The following ATP8A1 variants were observed in gnomAD, a reference collection of about 807,000 sequenced individuals.
ATP8A1 encodes ATPase phospholipid transporting 8A1, also known as phospholipid-transporting ATPase IA.
A neutral mutation model predicts 177.7 loss-of-function variants in ATP8A1; 90 were observed. The ratio of observed to expected loss-of-function variants is 0.51; its 90% CI spans 0.43 to 0.60. ATP8A1 has a LOEUF of 0.60. Ranked by LOEUF, ATP8A1 falls within the 20% of genes least tolerant of loss-of-function variation. The probability of loss-of-function intolerance (pLI) is 0.00; values close to 1 mark genes in which losing one functional copy is unlikely to be tolerated. For missense variants in ATP8A1, 1,072 were observed against 1,392.8 expected, an observed-to-expected ratio of 0.77 and a Z score of 3.67; for synonymous variants, 493 against 485.9, an observed-to-expected ratio of 1.01 and a Z score of -0.19.
chr4:42,590,772 C>T, intron 7 of ATP8A1, 39 bp downstream of exon 7: 1 of 1,572,048 alleles, frequency 6.4e-7, no homozygotes, highest in Non-Finnish European at 8.7e-7. Flanking sequence ...ACGGTGAGGA[C>T]CCACATACAC....
At chr4:42,517,701 G>C (rs1725703701) in intron 22 of ATP8A1, among the ~76,000 whole-genome samples, 1 of 152,184 alleles carries the variant, frequency 6.6e-6, no homozygotes. Flanking sequence ...AGATGTGTCG[G>C]CAACTGATTC....
intron 4 of ATP8A1, 62 bp from the exon 5 acceptor site, chr4:42,616,140 A>G (rs1736893669): frequency 1.4e-6 from 2 of 1,387,178 alleles, no homozygotes; most frequent in Non-Finnish European, 2.0e-6. Context: ...AAAACAAGAG[A>G]GCACTCATAC....
chr4:42,557,635 G>T (rs1214927236), intron 15 of ATP8A1, among the ~76,000 whole-genome samples: 1 of 152,124 alleles, frequency 6.6e-6, no homozygotes, highest in Non-Finnish European at 1.5e-5. Flanking sequence ...ATATGCAATT[G>T]AAATATTTAC....
intron 1 of ATP8A1, among the ~76,000 whole-genome samples, chr4:42,652,887 T>C (rs1560567103): frequency 1.3e-5 from 2 of 151,214 alleles, no homozygotes; most frequent in Non-Finnish European, 3.0e-5. Context: ...ATGTTTTTAT[T>C]AGCAGCCTAA....
At chr4:42,634,668 T>C (rs1739093460) in intron 1 of ATP8A1, among the ~76,000 whole-genome samples, 1 of 152,204 alleles carries the variant, frequency 6.6e-6, no homozygotes, top group Admixed American at 6.6e-5. Context: ...CTACCTACGC[T>C]CTTACAAGAG....
At chr4:42,515,790 G>A (rs138978089) in intron 22 of ATP8A1, among the ~76,000 whole-genome samples, 1 of 152,308 alleles carries the variant, frequency 6.6e-6, no homozygotes, top group African/African-American at 2.4e-5. Context: ...AACCTGCCAC[G>A]CAGCGGTGCT....
chr4:42,572,394 A>G (rs1003003248), intron 14 of ATP8A1, among the ~76,000 whole-genome samples: 6 of 152,172 alleles, frequency 3.9e-5, no homozygotes. Context: ...ACATCTAACC[A>G]TGGAGACTGG....
chr4:42,619,874 T>C (rs558323064), intron 4 of ATP8A1, among the ~76,000 whole-genome samples: 4 of 152,068 alleles, frequency 2.6e-5, no homozygotes, highest in Non-Finnish European at 1.5e-5. Context: ...GGCCAAAACA[T>C]AGAAGAACTG....
At chr4:42,555,813 G>C (rs1730167298) in intron 16 of ATP8A1, among the ~76,000 whole-genome samples, 155 bp downstream of exon 16, 1 of 150,282 alleles carries the variant, frequency 6.7e-6, no homozygotes, top group African/African-American at 2.4e-5. Flanking sequence ...GACAGAGTGA[G>C]ACTCTGTCTC....
chr4:42,504,140 T>A (rs1425222776), intron 23 of ATP8A1, among the ~76,000 whole-genome samples: 1 of 152,216 alleles, frequency 6.6e-6, no homozygotes, highest in Admixed American at 6.5e-5. Flanking sequence ...AATTCCACTA[T>A]GTGAGTACAC....
At chr4:42,567,498 C>T (rs1292927720) in intron 15 of ATP8A1, among the ~76,000 whole-genome samples, 5 of 152,180 alleles carry the variant, frequency 3.3e-5, no homozygotes, top group Admixed American at 3.3e-4. Context: ...GAGATTGTGC[C>T]ACTGCATTCC....
intron 20 of ATP8A1, among the ~76,000 whole-genome samples, chr4:42,528,754 A>AT (rs1560425398): frequency 6.6e-6 from 1 of 152,100 alleles, no homozygotes. Flanking sequence ...CTTCCACAAG[A>AT]TATCACACTG....
intron 5 of ATP8A1, 32 bp downstream of exon 5, chr4:42,616,001 A>T: frequency 6.3e-7 from 1 of 1,586,902 alleles, no homozygotes; most frequent in Non-Finnish European, 8.6e-7. Flanking sequence ...TAGGTTTGAC[A>T]AATATGAGAA....
At chr4:42,504,088 T>A (rs1724123736) in intron 23 of ATP8A1, among the ~76,000 whole-genome samples, 1 of 152,230 alleles carries the variant, frequency 6.6e-6, no homozygotes, top group Non-Finnish European at 1.5e-5. Flanking sequence ...AAGAGGCAAC[T>A]CTGCTGATGT....
intron 1 of ATP8A1, among the ~76,000 whole-genome samples, chr4:42,643,162 A>G (rs1287173041): frequency 6.6e-6 from 1 of 152,212 alleles, no homozygotes; most frequent in Non-Finnish European, 1.5e-5. Flanking sequence ...GAATAAATCC[A>G]TACAGTTCCC....
chr4:42,626,791 T>C, intron 2 of ATP8A1: 1 of 584,956 alleles, frequency 1.7e-6, no homozygotes, highest in Non-Finnish European at 3.1e-6. Context: ...TGGGTGCTTA[T>C]TCTTTCTGCT....
chr4:42,471,654 A>T (rs144762830), intron 25 of ATP8A1, among the ~76,000 whole-genome samples: 211 of 152,382 alleles, frequency 1.4e-3, no homozygotes, highest in African/African-American at 5.0e-3. Context: ...TATGGTGTTC[A>T]CACAAGAAAG....
chr4:42,579,998 G>T lies in ATP8A1; in HGVS notation c.835-20C>A. The T allele has an allele frequency of 1.3e-6, 2 of 1,561,670 alleles. No individual in the cohort carries two copies. The highest frequency in any genetic ancestry group is 1.2e-5 in the South Asian group (1 of 84,802). ...TGAATTCTGTAAAAAGAAACAAGAT[G>T]AGTAATAAAAAATGTACACCAATGA... On this transcript the variant is annotated intron_variant, in intron 10 of 36. Coordinates refer to ENST00000381668, the MANE Select transcript of ATP8A1 (RefSeq NM_006095.2).
chr4:42,528,673 T>C lies in ATP8A1; in HGVS notation c.1723-3826A>G, dbSNP rs79287543. Among the ~76,000 whole-genome samples the C allele has an allele frequency of 6.0e-3, 921 of 152,260 alleles. 9 individuals carry two copies. Among genetic ancestry groups the C allele is most frequent in the African/African-American group, 0.021 (885 of 41,548 alleles). ...TGCCTTCAACATACCTTTACTGTCC[T>C]ACCCCAGGGGCATATCAACTCTCCT... On this transcript the variant is annotated intron_variant, in intron 20 of 36. Transcript: ENST00000381668.
Sources: allele counts gnomAD v4.1 joint callset (sites outside exome capture counted in the v4.1 genomes callset), GRCh38; gene constraint gnomAD v4.1.1; transcripts MANE v1.5; gene names NCBI Gene and HGNC (gene_info 2026-07-23, HGNC 2026-07-21).